Variants in BTRC observed in about 807,000 individuals in gnomAD.
The protein encoded by BTRC is beta-transducin repeat containing E3 ubiquitin protein ligase.
BTRC carries 42 observed loss-of-function variants against 85.5 expected under a neutral mutation model. That is an observed-to-expected ratio of 0.49 (90% CI 0.38 to 0.64). The LOEUF (loss-of-function observed/expected upper bound fraction) is 0.64. Ranked by LOEUF, BTRC falls within the 30% of genes least tolerant of loss-of-function variation. The pLI is 0.00. For missense variants in BTRC, 594 were observed against 743.5 expected, an observed-to-expected ratio of 0.80 and a Z score of 2.34; for synonymous variants, 255 against 263.3, an observed-to-expected ratio of 0.97 and a Z score of 0.30.
At chr10:101,517,973 C>A in intron 4 of BTRC, among the ~76,000 whole-genome samples, 1 of 136,290 alleles carries the variant, frequency 7.3e-6, no homozygotes, top group African/African-American at 2.8e-5. Flanking sequence ...AGTGCAGTGG[C>A]GGGATCTCGG....
chr10:101,482,108 C>G (rs1036733861), intron 4 of BTRC, among the ~76,000 whole-genome samples: 2 of 152,186 alleles, frequency 1.3e-5, no homozygotes, highest in Non-Finnish European at 2.9e-5. Flanking sequence ...CAACCTCCAC[C>G]TCCTGGGTTC....
intron 5 of BTRC, among the ~76,000 whole-genome samples, chr10:101,524,200 T>C (rs1397166769): frequency 1.3e-5 from 2 of 152,218 alleles, no homozygotes; most frequent in Non-Finnish European, 2.9e-5. Context: ...ATTTTACCTA[T>C]ATCTTTTGTT....
chr10:101,365,908 GT>G (rs1942359872), intron 1 of BTRC, among the ~76,000 whole-genome samples: 1 of 152,172 alleles, frequency 6.6e-6, no homozygotes, highest in Non-Finnish European at 1.5e-5. Context: ...TGTAGCAAGT[GT>G]ACTGGCCAGT....
intron 13 of BTRC, among the ~76,000 whole-genome samples, chr10:101,544,763 A>G (rs769197843): frequency 1.3e-5 from 2 of 152,176 alleles, no homozygotes; most frequent in Non-Finnish European, 2.9e-5. Context: ...TTGCTGGCTA[A>G]ATAATTCTAT....
At chr10:101,382,718 T>C (rs1390561445) in intron 1 of BTRC, among the ~76,000 whole-genome samples, 1 of 152,210 alleles carries the variant, frequency 6.6e-6, no homozygotes, top group Non-Finnish European at 1.5e-5. Context: ...TTTCACGCAG[T>C]AGTTTTACCA....
At chr10:101,552,992 C>A (rs536832305) in intron 14 of BTRC, among the ~76,000 whole-genome samples, 163 bp from the exon 15 acceptor site, 16 of 152,228 alleles carry the variant, frequency 1.1e-4, no homozygotes, top group Non-Finnish European at 2.2e-4. Context: ...CAGGCCAGGT[C>A]ACCTTTGACA....
chr10:101,491,749 A>T (rs1946139500), intron 4 of BTRC, among the ~76,000 whole-genome samples: 1 of 152,088 alleles, frequency 6.6e-6, no homozygotes, highest in South Asian at 2.1e-4. Flanking sequence ...ACACTTCAGT[A>T]AATATTTTTA....
rs541915044 is a variant in BTRC, at chr10:101,357,495, G to A, written c.48+3267G>A. On this transcript the variant is annotated intron_variant, in intron 1 of 14. Coordinates refer to ENST00000370187, the MANE Select transcript of BTRC (RefSeq NM_033637.4). ...TTTGAGCTAGCATCAAATAATTAGT[G>A]CACAGTACACATGGAAGAACTATCC... Among the ~76,000 whole-genome samples, 5 of 150,260 alleles carry A rather than the reference G, an allele frequency of 3.3e-5. No individual in the cohort carries two copies. The East Asian group carries it at 5.8e-4, about 18-fold the overall frequency.
intron 14 of BTRC, among the ~76,000 whole-genome samples, chr10:101,551,503 TAAA>T (rs1313303148): frequency 3.3e-5 from 5 of 152,220 alleles, no homozygotes; most frequent in Non-Finnish European, 7.3e-5. Flanking sequence ...GGGAAGATCC[TAAA>T]ATACCCAGGT....
chr10:101,527,710 TGCCACTGCACTC>T (rs2062213547), intron 6 of BTRC, among the ~76,000 whole-genome samples: 1 of 151,870 alleles, frequency 6.6e-6, no homozygotes, highest in South Asian at 2.1e-4. Flanking sequence ...GCTGTGGTCA[TGCCACTGCACTC>T]CAGCCTGGGC....
At chr10:101,500,374 C>A (rs1021802235) in intron 4 of BTRC, among the ~76,000 whole-genome samples, 1 of 152,018 alleles carries the variant, frequency 6.6e-6, no homozygotes, top group African/African-American at 2.4e-5. Flanking sequence ...ATCTTAGGGA[C>A]CGTAGTTGTA....
intron 4 of BTRC, among the ~76,000 whole-genome samples, chr10:101,516,402 C>A (rs2062024159): frequency 6.6e-6 from 1 of 152,100 alleles, no homozygotes; most frequent in African/African-American, 2.4e-5. Flanking sequence ...GAAACCAGGT[C>A]TTTTTACTCC....
At chr10:101,410,799 G>C (rs1943755616) in intron 1 of BTRC, among the ~76,000 whole-genome samples, 1 of 151,704 alleles carries the variant, frequency 6.6e-6, no homozygotes, top group Non-Finnish European at 1.5e-5. Context: ...ACTTAACACA[G>C]CCTGGAAATA....
intron 1 of BTRC, chr10:101,414,631 C>T (rs779421108): frequency 5.8e-6 from 3 of 515,574 alleles, no homozygotes; most frequent in South Asian, 4.2e-5. Context: ...GATGACAGGT[C>T]CATAGATGTT....
rs533055001 is a variant in BTRC, at chr10:101,375,266, G to A, written c.48+21038G>A. On this transcript the variant is annotated intron_variant, in intron 1 of 14. Coordinates refer to ENST00000370187, the MANE Select transcript of BTRC (RefSeq NM_033637.4). ...TTTAAAAGTGTGTGGCACCTTCTCT[G>A]CCCCCCTCTCTTCCCCCCTTCTCTT... Among the ~76,000 whole-genome samples the A allele has an allele frequency of 7.2e-5, 11 of 151,862 alleles. No individual in the cohort carries two copies. In the East Asian group the frequency reaches 7.7e-4, roughly 11 times the overall value.
At chr10:101,546,816 A>C (rs1223801594) in intron 13 of BTRC, among the ~76,000 whole-genome samples, 1 of 152,210 alleles carries the variant, frequency 6.6e-6, no homozygotes, top group Non-Finnish European at 1.5e-5. Flanking sequence ...AAGAAGACAT[A>C]ATGTACTAAT....
At chr10:101,364,493 G>C (rs1263146351) in intron 1 of BTRC, among the ~76,000 whole-genome samples, 1 of 129,174 alleles carries the variant, frequency 7.7e-6, no homozygotes, top group Non-Finnish European at 1.9e-5. Flanking sequence ...TTTGTTAACA[G>C]TTTTAACAGC....
rs528736913 is a variant in BTRC, at chr10:101,528,465, T to C, written c.743+2266T>C. The stretch of plus-strand genomic sequence containing the variant: ...GATCCAGCACTAATTACCACTTTTT[T>C]CCCCTATCTCTTTATCCACAGAAAC... On this transcript the variant is annotated intron_variant, in intron 6 of 14. Coordinates refer to ENST00000370187, the MANE Select transcript of BTRC (RefSeq NM_033637.4). Among the ~76,000 whole-genome samples, 33 of 152,294 alleles carry C rather than the reference T, an allele frequency of 2.2e-4. No individual in the cohort carries two copies. The East Asian group carries it at 5.6e-3, about 26-fold the overall frequency.
chr10:101,393,996 G>T (rs1023741133), intron 1 of BTRC, among the ~76,000 whole-genome samples: 1 of 152,208 alleles, frequency 6.6e-6, no homozygotes, highest in African/African-American at 2.4e-5. Context: ...AAAACTGAGT[G>T]TATAATTGAG....
Sources: gnomAD v4.1 joint callset for allele counts (sites outside exome capture counted in the v4.1 genomes callset) on GRCh38, gnomAD v4.1.1 for gene constraint, MANE v1.5 for transcripts, NCBI Gene and HGNC (gene_info 2026-07-23, HGNC 2026-07-21) for gene names.